Variants in DHRS3 observed in about 807,000 individuals in gnomAD.
DHRS3 encodes the protein short-chain dehydrogenase/reductase 3.
In DHRS3, 14 loss-of-function variants were observed where a neutral mutation model predicts 27.2. The ratio of observed to expected loss-of-function variants is 0.52; its 90% CI spans 0.34 to 0.81. DHRS3 has a LOEUF of 0.81. DHRS3 is among the 30% of genes least tolerant of loss of function. The pLI is 0.01. For synonymous variants in DHRS3, 165 were observed against 175.9 expected (o/e 0.94, Z 0.49); for missense variants, 322 against 406.2 (o/e 0.79, Z 1.78).
intron 1 of DHRS3, among the ~76,000 whole-genome samples, chr1:12,584,819 C>A (rs563534618): frequency 6.6e-6 from 1 of 152,296 alleles, no homozygotes; most frequent in South Asian, 2.1e-4. Flanking sequence ...CCCTGCTGAG[C>A]ATCCCTGTGC....
At chr1:12,616,886 C>T in intron 1 of DHRS3, 1 of 1,017,716 alleles carries the variant, frequency 9.8e-7, no homozygotes, top group Non-Finnish European at 1.3e-6. Flanking sequence ...AATGGTGGGT[C>T]TCTTAGGTTT....
At chr1:12,604,717 C>T (rs772184004) in intron 1 of DHRS3, among the ~76,000 whole-genome samples, 6 of 152,170 alleles carry the variant, frequency 3.9e-5, no homozygotes, top group Non-Finnish European at 8.8e-5. Context: ...CTGCCCTCAG[C>T]GACGTGTCCC....
chr1:12,589,917 C>T lies in DHRS3; in HGVS notation c.196-9251G>A, dbSNP rs117413638. Among the ~76,000 whole-genome samples, 117 of 152,042 alleles carry T rather than the reference C, an allele frequency of 7.7e-4. No individual in the cohort carries two copies. The East Asian group carries it at 0.021, about 27-fold the overall frequency. On this transcript the variant is annotated intron_variant, in intron 1 of 5. Transcript: ENST00000616661. ...CCTTTGCAGTAGAAGATCCACATAC[C>T]CTGTTGGGGAAACAGTTGCCCGGAA...
In DHRS3 at chr1:12,602,958, A is replaced by T. The variant is rs572660419; in HGVS notation, c.195+14196T>A. ...TTTGGGGCTGGGGTTGTCAAGGCAC[A>T]CTCTCCCAGGGATGGGTGCTTTGGA... On this transcript the variant is annotated intron_variant, in intron 1 of 5. Transcript: ENST00000616661. 5.1e-4 allele frequency among the ~76,000 whole-genome samples: 77 copies of T among 152,156 alleles called. 1 individual carries two copies. Among genetic ancestry groups the T allele is most frequent in the African/African-American group, 1.7e-3 (71 of 41,500 alleles).
chr1:12,575,331 GAAAAA>G (rs377226207), intron 4 of DHRS3, among the ~76,000 whole-genome samples: 1 of 117,142 alleles, frequency 8.5e-6, no homozygotes, highest in Non-Finnish European at 1.9e-5. Context: ...TGTATCAAAA[GAAAAA>G]AAAAAAAAGA....
chr1:12,600,382 A>G (rs1646827210), intron 1 of DHRS3: 1 of 985,284 alleles, frequency 1.0e-6, no homozygotes, highest in Admixed American at 6.2e-5. Flanking sequence ...CCATCCCTTA[A>G]GGACCCCGTC....
intron 4 of DHRS3, among the ~76,000 whole-genome samples, chr1:12,573,121 T>G (rs577540721): frequency 6.6e-6 from 1 of 152,356 alleles, no homozygotes; most frequent in East Asian, 1.9e-4. Flanking sequence ...GGGCTCCCAG[T>G]GCCCTAGGGC....
chr1:12,612,825 G>A (rs1452694374), intron 1 of DHRS3, among the ~76,000 whole-genome samples: 1 of 152,138 alleles, frequency 6.6e-6, no homozygotes, highest in African/African-American at 2.4e-5. Context: ...TCGGGAGGCT[G>A]AGGCAGGTGG....
intron 1 of DHRS3, among the ~76,000 whole-genome samples, chr1:12,582,455 C>T (rs990275289): frequency 7.9e-5 from 12 of 152,176 alleles, no homozygotes; most frequent in African/African-American, 2.9e-4. Context: ...AAGTGGGTCC[C>T]GTCAGTTCCT....
intron 2 of DHRS3, chr1:12,579,749 AGGTGTGAGCCACCGCACCC>A (rs1207670327): frequency 4.0e-6 from 1 of 249,642 alleles, no homozygotes; most frequent in Non-Finnish European, 7.8e-6. Flanking sequence ...CTGGGATTAC[AGGTGTGAGCCACCGCACCC>A]GGTCCAATAT....
rs994475517 is a variant in DHRS3, at chr1:12,574,680, C to T, written c.699-1827G>A. On this transcript the variant is annotated intron_variant, in intron 4 of 5. Transcript: ENST00000616661. The surrounding 1 kb of genome is among the most constrained non-coding windows in gnomAD (Gnocchi z 4.6). Reference sequence around the variant, plus strand: ...GACAGACCAAAGTCCATGGGCTTGACGGGAATCCTTCTTGGTAAGACCCCT... The same window carrying T: ...GACAGACCAAAGTCCATGGGCTTGATGGGAATCCTTCTTGGTAAGACCCCT... 3.9e-5 allele frequency among the ~76,000 whole-genome samples: 6 copies of T among 152,166 alleles called. No individual in the cohort carries two copies. Among genetic ancestry groups the T allele is most frequent in the East Asian group, 1.9e-4 (1 of 5,196 alleles).
chr1:12,590,258 CCTCA>C (rs1646734304), intron 1 of DHRS3, among the ~76,000 whole-genome samples: 1 of 152,112 alleles, frequency 6.6e-6, no homozygotes, highest in Admixed American at 6.5e-5. Flanking sequence ...CCAGGCTTCT[CCTCA>C]CTCCTGCCCC....
intron 1 of DHRS3, among the ~76,000 whole-genome samples, chr1:12,583,270 T>A (rs1271933835): frequency 7.1e-6 from 1 of 139,864 alleles, no homozygotes; most frequent in Non-Finnish European, 1.5e-5. Context: ...CATCTACCCA[T>A]CCCCTCACTT....
intron 4 of DHRS3, among the ~76,000 whole-genome samples, chr1:12,575,331 G>GAA (rs377226207): frequency 8.5e-6 from 1 of 117,168 alleles, no homozygotes; most frequent in Non-Finnish European, 1.9e-5. Flanking sequence ...TGTATCAAAA[G>GAA]AAAAAAAAAA....
intron 1 of DHRS3, among the ~76,000 whole-genome samples, chr1:12,599,039 C>G (rs1646818298): frequency 6.6e-6 from 1 of 152,200 alleles, no homozygotes; most frequent in African/African-American, 2.4e-5. Context: ...AGACCTTCAG[C>G]TAATTAAACG....
At chr1:12,603,683 G>A (rs12139136) in intron 1 of DHRS3, among the ~76,000 whole-genome samples, 2 of 152,144 alleles carry the variant, frequency 1.3e-5, no homozygotes, top group African/African-American at 4.8e-5. Context: ...TCCCTAGGAG[G>A]CTGTTTCAGT....
chr1:12,577,612 GT>G (rs1646601281), intron 4 of DHRS3, among the ~76,000 whole-genome samples: 2 of 152,134 alleles, frequency 1.3e-5, no homozygotes, highest in Non-Finnish European at 2.9e-5. Context: ...ATCACCTGAG[GT>G]TGGGAGTTTG....
intron 1 of DHRS3, among the ~76,000 whole-genome samples, chr1:12,600,197 A>G (rs1646825577): frequency 6.6e-6 from 1 of 151,974 alleles, no homozygotes; most frequent in African/African-American, 2.4e-5. Context: ...AGAACCGCAC[A>G]TCTGTGTGTG....
At chr1:12,611,972 C>G (rs911429996) in intron 1 of DHRS3, among the ~76,000 whole-genome samples, 1 of 77,512 alleles carries the variant, frequency 1.3e-5, no homozygotes, top group Non-Finnish European at 2.9e-5. Context: ...AGCTCAGTCT[C>G]TGGCCTCCTG....
Sources: allele counts gnomAD v4.1 joint callset (sites outside exome capture counted in the v4.1 genomes callset), GRCh38; gene constraint gnomAD v4.1.1; non-coding constraint Gnocchi (gnomAD v3.1); transcripts MANE v1.5; gene names NCBI Gene and HGNC (gene_info 2026-07-23, HGNC 2026-07-21).